The following DEPDC5 variants were observed in gnomAD, a reference collection of about 807,000 sequenced individuals.
DEPDC5 encodes the protein DEP domain containing 5, GATOR1 subcomplex subunit.
Under a neutral mutation model 217.3 loss-of-function variants are expected in DEPDC5, and 73 were observed. That is an observed-to-expected ratio of 0.34 (90% CI 0.28 to 0.41). The LOEUF is 0.41. Ranked by LOEUF, DEPDC5 falls within the 10% of genes least tolerant of loss-of-function variation. The pLI, the probability that DEPDC5 is intolerant of heterozygous loss-of-function variation, is 1.00. For synonymous variants in DEPDC5, 733 were observed against 756.7 expected (o/e 0.97, Z 0.51); for missense variants, 1,675 against 2,070.1 (o/e 0.81, Z 3.70).
intron 38 of DEPDC5, among the ~76,000 whole-genome samples, chr22:31,889,611 G>T (rs183921265): frequency 6.9e-6 from 1 of 144,274 alleles, no homozygotes; most frequent in Non-Finnish European, 1.5e-5. Context: ...GTGCAGAGGC[G>T]CTCACTGCAA....
At chr22:31,754,768 G>C (rs1041972870) in intron 1 of DEPDC5, 94 bp from the exon 2 acceptor site, 15 of 778,426 alleles carry the variant, frequency 1.9e-5, no homozygotes, top group Admixed American at 2.4e-5. Context: ...CTTCACAGCA[G>C]AGGAACACCA....
intron 39 of DEPDC5, 32 bp from the exon 40 acceptor site, chr22:31,897,450 A>G: frequency 6.4e-7 from 1 of 1,572,074 alleles, no homozygotes; most frequent in Non-Finnish European, 8.7e-7. Flanking sequence ...GAACTTGGAG[A>G]TGATATTGTT....
chr22:31,871,452 TTCTGTGCTGGTGTAA>T (rs1444853931), intron 34 of DEPDC5, among the ~76,000 whole-genome samples: 1 of 152,176 alleles, frequency 6.6e-6, no homozygotes, highest in Non-Finnish European at 1.5e-5. Flanking sequence ...ATGTCATAAA[TTCTGTGCTGGTGTAA>T]TCTGTGTCTC....
rs2148822327 is a variant in DEPDC5 at position 31,821,633 on chromosome 22, G to A, written c.2002G>A (p.Gly668Arg). 1 of 1,613,156 alleles carries A rather than the reference G, an allele frequency of 6.2e-7. No individual in the cohort carries two copies. The highest frequency in any genetic ancestry group is 1.1e-5 in the South Asian group (1 of 91,064). ...LLELAYHEAA[G>R]RHSNSRQPGD... is the part of the protein sequence containing the mutation. ...GGAGTTAGCATATCATGAAGCTGCT[G>A]GAAGGTGAGGATGTGCACAGGGCTC... Residue 668 changes from glycine (G) to arginine (R), a missense_variant, in exon 23 of 43, where the codon GGA becomes AGA. This residue lies in a region of DEPDC5 where 136 missense variants were observed against 132.2 expected (regional missense o/e 1.03). Coordinates refer to ENST00000651528, the MANE Select transcript of DEPDC5 (RefSeq NM_001242896.3).
chr22:31,792,764 C>A lies in DEPDC5; in HGVS notation c.714C>A (p.Asn238Lys). The A allele has an allele frequency of 1.3e-6, 2 of 1,550,470 alleles. No individual in the cohort carries two copies. The highest frequency in any genetic ancestry group is 1.7e-6 in the Non-Finnish European group (2 of 1,158,126). ...TTTCAGATGAATTTCCTGAAATAAACCGAGCCTCAATTCGACAGGATCACA... is the reference window on the plus strand; with the variant it reads ...TTTCAGATGAATTTCCTGAAATAAAACGAGCCTCAATTCGACAGGATCACA... ...AKSVDEFPEI[N>K]RASIRQDHKG... The change falls in exon 12 of 43, where the codon AAC becomes AAA. Residue 238 changes from asparagine to lysine, a missense_variant. Around this residue, in one of 11 missense-constraint regions of DEPDC5, gnomAD observed 628 missense variants for 762.1 expected, o/e 0.82. Coordinates refer to ENST00000651528, the MANE Select transcript of DEPDC5 (RefSeq NM_001242896.3).
At chr22:31,858,729 T>C (rs1246448723) in intron 32 of DEPDC5, 1 of 152,220 alleles carries the variant, frequency 6.6e-6, no homozygotes, top group African/African-American at 2.4e-5. Flanking sequence ...TATAACTTCT[T>C]TTGGTTAAAA....
chr22:31,769,595 A>G (rs948136958), intron 7 of DEPDC5: 15 of 152,128 alleles, frequency 9.9e-5, no homozygotes, highest in Non-Finnish European at 1.9e-4. Context: ...GTTTGTGAAG[A>G]AAAAAGAGAC....
At chr22:31,839,540 A>G (rs2091265678) in intron 27 of DEPDC5, among the ~76,000 whole-genome samples, 2 of 151,322 alleles carry the variant, frequency 1.3e-5, no homozygotes, top group East Asian at 3.9e-4. Context: ...CTGATCACCT[A>G]GTGATAACCT....
chr22:31,788,790 G>A (rs1346059175), intron 10 of DEPDC5, among the ~76,000 whole-genome samples: 1 of 151,870 alleles, frequency 6.6e-6, no homozygotes, highest in African/African-American at 2.4e-5. Context: ...TGGCCAGGGT[G>A]GTCTCGAACT....
At chr22:31,784,903 CATT>C in intron 10 of DEPDC5, 28 bp downstream of exon 10, 5 of 1,590,264 alleles carry the variant, frequency 3.1e-6, no homozygotes, top group Non-Finnish European at 3.4e-6. Context: ...CACTAAGTCT[CATT>C]ATGTAAACAT....
chr22:31,889,541 CTTTTTTTT>C (rs136874), intron 38 of DEPDC5, among the ~76,000 whole-genome samples: 38 of 99,594 alleles, frequency 3.8e-4, no homozygotes, highest in African/African-American at 7.4e-4. Flanking sequence ...GGCAAAACTT[CTTTTTTTT>C]TTTTTTTTTT....
chr22:31,877,736 C>T (rs1219894277), intron 37 of DEPDC5, among the ~76,000 whole-genome samples: 10 of 106,366 alleles, frequency 9.4e-5, no homozygotes, highest in Admixed American at 2.8e-4. Flanking sequence ...GGCGACAGAG[C>T]GAGACTCCAT....
intron 34 of DEPDC5, 152 bp from the exon 35 acceptor site, chr22:31,873,102 CT>C (rs1179410828): frequency 8.9e-6 from 13 of 1,452,778 alleles, no homozygotes; most frequent in South Asian, 6.3e-5. Context: ...AGATAACCCC[CT>C]GATATAGCTG....
At position 31,870,169 on chromosome 22, in the gene DEPDC5, T is replaced by C. The variant is rs149893446; in HGVS notation, c.3331-421T>C. On this transcript the variant is annotated intron_variant, in intron 33 of 42. Coordinates refer to ENST00000651528, the MANE Select transcript of DEPDC5 (RefSeq NM_001242896.3). ...ATTGTGATGTTCACCTATTTGTCTC[T>C]AAATGTGGTCTTTCAGTCCTGCTGT... 2.7e-3 allele frequency among the ~76,000 whole-genome samples: 414 copies of C among 152,368 alleles called. 2 individuals carry two copies. Among genetic ancestry groups the C allele is most frequent in the African/African-American group, 9.1e-3 (380 of 41,586 alleles).
chr22:31,893,115 C>A (rs908405085), intron 38 of DEPDC5, among the ~76,000 whole-genome samples: 1 of 152,028 alleles, frequency 6.6e-6, no homozygotes, highest in African/African-American at 2.4e-5. Context: ...ACCTCGTGAT[C>A]TGCTTGCGTC....
intron 6 of DEPDC5, among the ~76,000 whole-genome samples, chr22:31,766,989 C>T (rs1488134934): frequency 6.6e-6 from 1 of 152,140 alleles, no homozygotes; most frequent in Non-Finnish European, 1.5e-5. Flanking sequence ...TATTTATTAT[C>T]CCTAATTTAT....
At chr22:31,763,405 G>T (rs186154899) in intron 4 of DEPDC5, among the ~76,000 whole-genome samples, 1 of 150,262 alleles carries the variant, frequency 6.7e-6, no homozygotes, top group East Asian at 1.9e-4. Context: ...GATTACAGGC[G>T]TGAGCCACTG....
chr22:31,863,653 A>T (rs970592212), intron 33 of DEPDC5, among the ~76,000 whole-genome samples: 2 of 152,162 alleles, frequency 1.3e-5, no homozygotes, highest in African/African-American at 2.4e-5. Context: ...GTAATTTTTT[A>T]AAAATATATA....
chr22:31,765,343 G>A (rs1172456950), intron 5 of DEPDC5, among the ~76,000 whole-genome samples: 1 of 152,078 alleles, frequency 6.6e-6, no homozygotes, highest in African/African-American at 2.4e-5. Context: ...AGGCTGGAGT[G>A]CAGTGGCGTG....
Sources: gnomAD v4.1 joint callset for allele counts (sites outside exome capture counted in the v4.1 genomes callset) on GRCh38, gnomAD v4.1.1 for gene constraint, gnomAD v4.1.1 regional missense constraint, MANE v1.5 for transcripts, NCBI Gene and HGNC (gene_info 2026-07-23, HGNC 2026-07-21) for gene names.